The following NFASC variants were observed in gnomAD, a reference collection of about 807,000 sequenced individuals.
NFASC encodes the protein neurofascin, also known as neurofascin homolog.
Under a neutral mutation model 147.5 loss-of-function variants are expected in NFASC, and 43 were observed. The ratio of observed to expected loss-of-function variants is 0.29; its 90% CI spans 0.23 to 0.38. The LOEUF (loss-of-function observed/expected upper bound fraction) is 0.38. Ranked by LOEUF, NFASC falls within the 10% of genes least tolerant of loss-of-function variation. NFASC has a pLI of 1.00. For missense variants in NFASC, 1,320 were observed against 1,689.0 expected (o/e 0.78, Z 3.83); for synonymous variants, 622 against 665.5 (o/e 0.93, Z 1.01).
intron 23 of NFASC, chr1:204,990,645 C>CT (rs1240994051): frequency 6.6e-6 from 1 of 151,652 alleles, no homozygotes; most frequent in Non-Finnish European, 1.5e-5. Context: ...TAAAGTCCAA[C>CT]TGGAGGGGAA....
At chr1:204,833,324 G>T (rs765157818) in intron 1 of NFASC, among the ~76,000 whole-genome samples, 18 of 152,186 alleles carry the variant, frequency 1.2e-4, no homozygotes, top group Non-Finnish European at 2.5e-4. Flanking sequence ...GAAAATGACA[G>T]ATTCAGAGAA....
At chr1:204,920,810 G>C in intron 2 of NFASC, 70 bp downstream of exon 2, 1 of 682,230 alleles carries the variant, frequency 1.5e-6, no homozygotes, top group East Asian at 6.7e-5. Flanking sequence ...CTCGCCTCCT[G>C]CCCCTTCTCT....
intron 2 of NFASC, among the ~76,000 whole-genome samples, chr1:204,942,024 A>T (rs910323113): frequency 3.9e-5 from 6 of 152,120 alleles, no homozygotes; most frequent in Non-Finnish European, 7.4e-5. Context: ...ATCCATCCAT[A>T]TGTCGATCCC....
At chr1:205,003,092 G>T (rs982562386) in intron 27 of NFASC, among the ~76,000 whole-genome samples, 6 of 152,192 alleles carry the variant, frequency 3.9e-5, no homozygotes, top group African/African-American at 1.4e-4. Context: ...GGCTGCAGGA[G>T]AGTAGTGCAG....
chr1:204,973,662 G>A (rs934989328), intron 12 of NFASC, among the ~76,000 whole-genome samples: 1 of 152,130 alleles, frequency 6.6e-6, no homozygotes, highest in African/African-American at 2.4e-5. Context: ...ACAGATGGAA[G>A]ACTTAAAATT....
intron 24 of NFASC, among the ~76,000 whole-genome samples, chr1:204,996,719 C>T (rs1349236080): frequency 1.3e-5 from 2 of 152,206 alleles, no homozygotes; most frequent in East Asian, 3.9e-4. Flanking sequence ...CACTCTAGGC[C>T]TCTGCTGGAC....
chr1:204,877,200 C>T (rs111288421), intron 1 of NFASC, among the ~76,000 whole-genome samples: 1 of 149,284 alleles, frequency 6.7e-6, no homozygotes, highest in Non-Finnish European at 1.5e-5. Flanking sequence ...GCAGGGGATG[C>T]ACACATGCAC....
At chr1:204,929,691 TG>T (rs989026799) in intron 2 of NFASC, among the ~76,000 whole-genome samples, 4 of 152,102 alleles carry the variant, frequency 2.6e-5, no homozygotes, top group Non-Finnish European at 5.9e-5. Flanking sequence ...AGGTGCTCCC[TG>T]GGGAATGGGA....
intron 1 of NFASC, among the ~76,000 whole-genome samples, chr1:204,848,965 T>G (rs2075416287): frequency 6.6e-6 from 1 of 152,264 alleles, no homozygotes; most frequent in Non-Finnish European, 1.5e-5. Context: ...AAAGTCAAGT[T>G]TGACATGTGG....
rs370227820 is a variant in NFASC at position 204,974,706 on chromosome 1, T to G, written c.1441T>G (p.Tyr481Asp). 6.2e-7 allele frequency: 1 copy of G among 1,614,222 alleles called. No individual in the cohort carries two copies. Among genetic ancestry groups the G allele is most frequent in the African/African-American group, 1.3e-5 (1 of 75,044 alleles). Residue 481 changes from tyrosine (Y) to aspartate (D), a missense_variant, in exon 14 of 30, where the codon TAT (tyrosine) becomes GAT (aspartate). Coordinates refer to ENST00000339876, the MANE Select transcript of NFASC (RefSeq NM_001005388.3). ...SNLDGGNYHV[Y>D]ENGSLEIKMI... ...CCTGGATGGTGGCAACTACCATGTT[T>G]ATGAGAACGGCAGTCTGGAAATTAA...
intron 1 of NFASC, among the ~76,000 whole-genome samples, chr1:204,830,020 T>TGTGC (rs1558465620): frequency 6.8e-6 from 1 of 146,306 alleles, no homozygotes; most frequent in African/African-American, 2.5e-5. Flanking sequence ...TGTGTGTGTG[T>TGTGC]GTGTGTGTGT....
chr1:204,962,265 A>C, intron 8 of NFASC: 1 of 987,516 alleles, frequency 1.0e-6, no homozygotes, highest in East Asian at 2.5e-5. Context: ...CAGCTGGCCC[A>C]GCCAGGGTGC....
intron 7 of NFASC, 133 bp downstream of exon 7, chr1:204,955,084 G>C (rs1237844216): frequency 3.7e-6 from 4 of 1,081,222 alleles, no homozygotes; most frequent in Non-Finnish European, 5.4e-6. Context: ...TGGCAACCAG[G>C]CTGAGAACAC....
At chr1:204,883,005 C>T (rs2080581344) in intron 1 of NFASC, among the ~76,000 whole-genome samples, 1 of 151,874 alleles carries the variant, frequency 6.6e-6, no homozygotes, top group African/African-American at 2.4e-5. Flanking sequence ...TGTATAGCTG[C>T]TGGAGGCCAT....
intron 25 of NFASC, chr1:204,997,619 A>C: frequency 1.6e-6 from 1 of 638,022 alleles, no homozygotes; most frequent in Non-Finnish European, 2.8e-6. Context: ...CCTGACACAC[A>C]CACACTCCTT....
chr1:204,837,272 C>T (rs925284292), intron 1 of NFASC, among the ~76,000 whole-genome samples: 1 of 152,122 alleles, frequency 6.6e-6, no homozygotes, highest in Non-Finnish European at 1.5e-5. Context: ...TGGCTTGGGC[C>T]TCTAGAGATG....
intron 2 of NFASC, among the ~76,000 whole-genome samples, chr1:204,932,186 C>T (rs1032855608): frequency 5.3e-5 from 8 of 152,074 alleles, no homozygotes; most frequent in Non-Finnish European, 8.8e-5. Flanking sequence ...CTTTTAGTGA[C>T]GTCACTTGAG....
At chr1:204,959,489 C>T (rs897200328) in intron 8 of NFASC, among the ~76,000 whole-genome samples, 1 of 152,238 alleles carries the variant, frequency 6.6e-6, no homozygotes, top group Admixed American at 6.5e-5. Context: ...TGTAGTCTGC[C>T]CAGGACCTCG....
chr1:204,923,715 CCCTGAGGCAGGCA>C (rs1032535811), intron 2 of NFASC, among the ~76,000 whole-genome samples: 1 of 151,780 alleles, frequency 6.6e-6, no homozygotes, highest in African/African-American at 2.4e-5. Flanking sequence ...GATTTCAGGC[CCCTGAGGCAGGCA>C]CCTGAGGCAG....
Sources: gnomAD v4.1 joint callset for allele counts (sites outside exome capture counted in the v4.1 genomes callset) on GRCh38, gnomAD v4.1.1 for gene constraint, MANE v1.5 for transcripts, NCBI Gene and HGNC (gene_info 2026-07-23, HGNC 2026-07-21) for gene names.